SMG1: variants seen among roughly 807,000 people sequenced by gnomAD.
SMG1 encodes the protein serine/threonine-protein kinase SMG1.
In SMG1, 22 loss-of-function variants were observed where a neutral mutation model predicts 419.9. The observed-to-expected ratio is 0.05, with a 90% confidence interval of 0.04 to 0.07. The LOEUF (loss-of-function observed/expected upper bound fraction) is 0.07, where lower values mean the gene tolerates loss of function less well. Among genes scored for constraint, SMG1 ranks in the 10% least tolerant of loss-of-function variants. SMG1 has a pLI of 1.00. For synonymous variants in SMG1, 1,538 were observed against 1,553.5 expected, an observed-to-expected ratio of 0.99 and a Z score of 0.23; for missense variants, 3,185 against 4,342.0, an observed-to-expected ratio of 0.73 and a Z score of 7.49.
intron 1 of SMG1, among the ~76,000 whole-genome samples, chr16:18,902,881 G>T (rs575631826): frequency 6.6e-6 from 1 of 152,050 alleles, no homozygotes; most frequent in Non-Finnish European, 1.5e-5. Context: ...TCACCCTGTC[G>T]CCCAGGCTAG....
chr16:18,830,688 G>A (rs2033114429), intron 51 of SMG1, among the ~76,000 whole-genome samples: 1 of 152,176 alleles, frequency 6.6e-6, no homozygotes, highest in African/African-American at 2.4e-5. Context: ...TACTCAGGAG[G>A]CTGAGGCTAG....
intron 22 of SMG1, 47 bp from the exon 23 acceptor site, chr16:18,866,822 T>A: frequency 2.6e-6 from 4 of 1,529,584 alleles, no homozygotes; most frequent in Non-Finnish European, 3.6e-6. Context: ...CATTAAAACA[T>A]AAATCCCTAT....
intron 1 of SMG1, among the ~76,000 whole-genome samples, chr16:18,909,487 T>C (rs1403260752): frequency 6.6e-6 from 1 of 152,174 alleles, no homozygotes; most frequent in Non-Finnish European, 1.5e-5. Flanking sequence ...GAGACCAGCC[T>C]GGGCAACACA....
intron 57 of SMG1, 121 bp from the exon 58 acceptor site, chr16:18,816,650 A>G: frequency 1.4e-6 from 1 of 728,796 alleles, no homozygotes. Flanking sequence ...CTCCATTGCT[A>G]AGTCATGAAT....
At chr16:18,871,159 A>T (rs1488066249) in intron 16 of SMG1, among the ~76,000 whole-genome samples, 1 of 152,208 alleles carries the variant, frequency 6.6e-6, no homozygotes, top group African/African-American at 2.4e-5. Context: ...ACATTCACGT[A>T]AGCTTAAAAA....
chr16:18,807,338 T>A lies in SMG1; in HGVS notation c.*2231A>T, dbSNP rs969397496. On this transcript the variant is annotated 3_prime_UTR_variant, in exon 63 of 63. Transcript: ENST00000446231. ...TAATCTTGAGAGAGCAGAGGTAATGTGATGAATGTAATTTGCTCCCAGAGC... is the reference window on the plus strand; with the variant it reads ...TAATCTTGAGAGAGCAGAGGTAATGAGATGAATGTAATTTGCTCCCAGAGC... 1 of 152,158 alleles carries A rather than the reference T, an allele frequency of 6.6e-6. No homozygotes were observed. The highest frequency in any genetic ancestry group is 2.4e-5 in the African/African-American group (1 of 41,450). The allele number at this position is 152,158 out of a possible 1,614,324, so 9.4% of individuals were successfully genotyped here. A position where few individuals can be genotyped will look rare whatever the true frequency, so the allele number is the denominator to read the frequency against.
intron 3 of SMG1, among the ~76,000 whole-genome samples, chr16:18,895,490 G>GA (rs2037082382): frequency 6.7e-6 from 1 of 148,334 alleles, no homozygotes; most frequent in South Asian, 2.2e-4. Context: ...AAAATATATT[G>GA]AAAACAACAA....
rs764934017 is a variant in SMG1, at chr16:18,854,694, T to C, written c.4445A>G (p.Glu1482Gly). 3.3e-5 allele frequency: 54 copies of C among 1,613,868 alleles called. No individual in the cohort carries two copies. Among genetic ancestry groups the C allele is most frequent in the Non-Finnish European group, 4.0e-5 (47 of 1,179,888 alleles). The change falls in exon 30 of 63, where the codon GAA (glutamate) becomes GGA (glycine). Residue 1482 changes from glutamate (E) to glycine (G), a missense_variant. By Grantham distance (98) the Glu-to-Gly change is moderately conservative (BLOSUM62 -2). Coordinates refer to ENST00000446231, the MANE Select transcript of SMG1 (RefSeq NM_015092.5). ...CAATTTGGTTTTTTCAATATCAAGT[T>C]CGGGCCCCCATTTTTCATCCACTTG... Reference protein sequence around the residue: ...QGQVDEKWGPELDIEKTKLLY... With the variant: ...QGQVDEKWGPGLDIEKTKLLY...
In SMG1 at chr16:18,892,383, A is replaced by G. The variant is rs1356965397; in HGVS notation, c.413-29T>C. ...TGAATATATAAACATTTTGTTGTCC[A>G]TTGAGTATAAATAAGCAAAGATATT... On this transcript the variant is annotated intron_variant, in intron 3 of 62. Transcript: ENST00000446231. 13 of 1,523,120 alleles carry G rather than the reference A, an allele frequency of 8.5e-6. No homozygotes were observed. The Admixed American group carries it at 1.0e-4, about 12-fold the overall frequency. The allele number at this position is 1,523,120 out of a possible 1,614,324, so 94.4% of individuals were successfully genotyped here.
intron 39 of SMG1, among the ~76,000 whole-genome samples, chr16:18,844,283 G>T (rs1357860229): frequency 2.0e-5 from 3 of 151,870 alleles, no homozygotes; most frequent in Non-Finnish European, 2.9e-5. Flanking sequence ...ACAAAAATTA[G>T]CCAAGCATGG....
At position 18,925,983 on chromosome 16, in the gene SMG1, T is replaced by TTGG. The variant is rs747462717; in HGVS notation, c.56_58dup (p.Thr19dup). ...CCAGTCATTCCAGCTCCGCGGATAC[T>TTGG]TGGTGCCGCCGCCGCCGCCGCCGCT... On this transcript the variant is annotated inframe_insertion, in exon 1 of 63. Coordinates refer to ENST00000446231, the MANE Select transcript of SMG1 (RefSeq NM_015092.5). 12 of 1,577,724 alleles carry TTGG rather than the reference T, an allele frequency of 7.6e-6. No individual in the cohort carries two copies. The Admixed American group carries it at 8.8e-5, about 12-fold the overall frequency.
chr16:18,925,860 G>A (rs2142058503), intron 1 of SMG1, 90 bp downstream of exon 1: 3 of 1,001,594 alleles, frequency 3.0e-6, no homozygotes, highest in African/African-American at 1.7e-5. Flanking sequence ...GAGGGCCTAG[G>A]CCGCGCCTCC....
At chr16:18,896,242 ATTG>A (rs2037120347) in intron 2 of SMG1, 35 bp from the exon 3 acceptor site, 1 of 1,245,308 alleles carries the variant, frequency 8.0e-7, no homozygotes, top group African/African-American at 1.5e-5. Context: ...TTTAAATATG[ATTG>A]TTCGTTTCAT....
At chr16:18,879,890 A>C (rs1274100424) in intron 10 of SMG1, among the ~76,000 whole-genome samples, 171 bp from the exon 11 acceptor site, 3 of 152,274 alleles carry the variant, frequency 2.0e-5, no homozygotes, top group Non-Finnish European at 4.4e-5. Context: ...TCTTTAGTAC[A>C]GTATGTAAAC....
rs2030695887 is a variant in SMG1, at chr16:18,805,021, A to G, written c.*4548T>C. The G allele has an allele frequency of 6.5e-6, 1 of 152,688 alleles. No homozygotes were observed. Among genetic ancestry groups the G allele is most frequent in the Non-Finnish European group, 1.5e-5 (1 of 68,048 alleles). 9.5% of individuals were successfully genotyped at this position (152,688 alleles called of 1,614,324 possible). On this transcript the variant is annotated 3_prime_UTR_variant, in exon 63 of 63. Coordinates refer to ENST00000446231, the MANE Select transcript of SMG1 (RefSeq NM_015092.5). ...GTGATTTATTCAACTTTTAAATACA[A>G]TCACAAAATTATATCCATCAGGAGG...
intron 1 of SMG1, among the ~76,000 whole-genome samples, chr16:18,920,185 C>G (rs148518477): frequency 8.0e-4 from 121 of 151,988 alleles, no homozygotes; most frequent in African/African-American, 2.8e-3. Flanking sequence ...AGTTCACGAC[C>G]AGCCTGACTA....
intron 1 of SMG1, among the ~76,000 whole-genome samples, chr16:18,899,118 ACAGTT>A (rs2037246973): frequency 6.6e-6 from 1 of 152,170 alleles, no homozygotes; most frequent in Non-Finnish European, 1.5e-5. Flanking sequence ...CAATGTACAA[ACAGTT>A]CATGAGTATA....
At chr16:18,888,468 G>GA (rs201927897) in intron 6 of SMG1, among the ~76,000 whole-genome samples, 1 of 140,780 alleles carries the variant, frequency 7.1e-6, no homozygotes, top group African/African-American at 2.5e-5. Flanking sequence ...AACCAAAGAG[G>GA]AAAAAAATCC....
intron 11 of SMG1, chr16:18,878,443 C>G (rs1244175674): frequency 6.6e-6 from 1 of 151,436 alleles, no homozygotes; most frequent in Non-Finnish European, 1.5e-5. Context: ...CCCCTTCTCT[C>G]CAAAAAATAC....
Sources: gnomAD v4.1 joint callset for allele counts (sites outside exome capture counted in the v4.1 genomes callset) on GRCh38, gnomAD v4.1.1 for gene constraint, MANE v1.5 for transcripts, NCBI Gene and HGNC (gene_info 2026-07-23, HGNC 2026-07-21) for gene names.